Variants in POLDIP3 observed in about 807,000 individuals in gnomAD.
The protein encoded by POLDIP3 is DNA polymerase delta interacting protein 3.
A neutral mutation model predicts 45.1 loss-of-function variants in POLDIP3; 14 were observed. The observed-to-expected ratio is 0.31, with a 90% CI of 0.20 to 0.49. The LOEUF (loss-of-function observed/expected upper bound fraction) is 0.49, where lower values mean the gene tolerates loss of function less well. Ranked by LOEUF, POLDIP3 falls within the 20% of genes least tolerant of loss-of-function variation. The pLI is 0.99. For missense variants in POLDIP3, 511 were observed against 538.8 expected (o/e 0.95, Z 0.51); for synonymous variants, 223 against 205.2 (o/e 1.09, Z -0.74).
intron 6 of POLDIP3, among the ~76,000 whole-genome samples, chr22:42,594,196 A>T (rs1569297656): frequency 6.6e-6 from 1 of 150,770 alleles, no homozygotes; most frequent in Non-Finnish European, 1.5e-5. Flanking sequence ...AGGAGGCGGA[A>T]GTTGCAGTGA....
In POLDIP3 at chr22:42,585,535, A is replaced by G. The variant is rs1447859478; in HGVS notation, c.*256T>C. On this transcript the variant is annotated 3_prime_UTR_variant, in exon 9 of 9. Coordinates refer to ENST00000252115, the MANE Select transcript of POLDIP3 (RefSeq NM_032311.5). Reference sequence around the variant, plus strand: ...TTGGGGCTGAGGCTCGGGGAGGCACACACTGAAAAACACAAGCCTACCTTG... The same window carrying G: ...TTGGGGCTGAGGCTCGGGGAGGCACGCACTGAAAAACACAAGCCTACCTTG... 1.0e-5 allele frequency: 5 copies of G among 484,470 alleles called. No homozygotes were observed. Among genetic ancestry groups the G allele is most frequent in the African/African-American group, 3.9e-5 (2 of 51,026 alleles). 30.0% of individuals were successfully genotyped at this position (484,470 alleles called of 1,614,324 possible). A position where few individuals can be genotyped will look rare whatever the true frequency, so the allele number is the denominator to read the frequency against.
chr22:42,610,115 G>A (rs768696079), intron 1 of POLDIP3, among the ~76,000 whole-genome samples: 11 of 151,518 alleles, frequency 7.3e-5, no homozygotes, highest in Admixed American at 1.3e-4. Flanking sequence ...TGGAGGTTTC[G>A]GTGAGCTGAG....
At chr22:42,603,913 C>T (rs141296461) in intron 1 of POLDIP3, among the ~76,000 whole-genome samples, 99 of 152,288 alleles carry the variant, frequency 6.5e-4, no homozygotes, top group African/African-American at 1.9e-3. Flanking sequence ...CAAACATGTA[C>T]ATGTACCCCC....
intron 7 of POLDIP3, among the ~76,000 whole-genome samples, chr22:42,588,653 A>C (rs1925473334): frequency 7.3e-6 from 1 of 136,758 alleles, no homozygotes; most frequent in African/African-American, 2.8e-5. Flanking sequence ...TTTGAGATGG[A>C]GTTTCGCTCT....
intron 1 of POLDIP3, among the ~76,000 whole-genome samples, chr22:42,613,058 C>A (rs1314825809): frequency 6.6e-6 from 1 of 152,142 alleles, no homozygotes; most frequent in African/African-American, 2.4e-5. Flanking sequence ...TCTGCACACA[C>A]TAAAACCAAA....
intron 6 of POLDIP3, among the ~76,000 whole-genome samples, chr22:42,594,730 G>A (rs981031044): frequency 1.3e-5 from 2 of 152,158 alleles, no homozygotes; most frequent in East Asian, 1.9e-4. Context: ...CCAGAACCCC[G>A]CTCACAGACA....
chr22:42,597,212 G>T (rs1166687334), intron 4 of POLDIP3, among the ~76,000 whole-genome samples: 4 of 152,192 alleles, frequency 2.6e-5, no homozygotes, highest in African/African-American at 9.7e-5. Context: ...ATGTGTCTGA[G>T]GAAAAAGGTG....
chr22:42,612,391 G>C (rs1469993463), intron 1 of POLDIP3, among the ~76,000 whole-genome samples: 1 of 152,236 alleles, frequency 6.6e-6, no homozygotes, highest in African/African-American at 2.4e-5. Context: ...GGGAGAAGCA[G>C]GGATTGGAAG....
intron 3 of POLDIP3, among the ~76,000 whole-genome samples, chr22:42,601,074 G>C (rs575321212): frequency 5.3e-5 from 8 of 151,962 alleles, no homozygotes; most frequent in African/African-American, 1.9e-4. Flanking sequence ...CAGCCTGGGG[G>C]ACAGAGTGAA....
chr22:42,602,219 C>T (rs1309490916), intron 2 of POLDIP3, 163 bp from the exon 3 acceptor site: 1 of 1,153,936 alleles, frequency 8.7e-7, no homozygotes, highest in Non-Finnish European at 1.2e-6. Flanking sequence ...ACAGAAGAAT[C>T]ATCAATCCAG....
intron 5 of POLDIP3, among the ~76,000 whole-genome samples, chr22:42,595,883 T>A (rs1380018106): frequency 6.6e-6 from 1 of 152,224 alleles, no homozygotes; most frequent in African/African-American, 2.4e-5. Context: ...CCCACTCAGC[T>A]AAAAGAGCCC....
At chr22:42,591,128 G>A (rs1925644937) in intron 7 of POLDIP3, among the ~76,000 whole-genome samples, 1 of 150,442 alleles carries the variant, frequency 6.6e-6, no homozygotes, top group Admixed American at 6.6e-5. Flanking sequence ...AAAGAAAAAG[G>A]AAAATAAGTA....
chr22:42,592,125 T>G (rs1188048904), intron 6 of POLDIP3, 41 bp from the exon 7 acceptor site: 20 of 1,612,052 alleles, frequency 1.2e-5, no homozygotes, highest in Non-Finnish European at 1.7e-5. Context: ...GAAGGATTTC[T>G]CAGCACCTGC....
intron 1 of POLDIP3, among the ~76,000 whole-genome samples, chr22:42,608,083 G>A (rs542744019): frequency 8.1e-4 from 124 of 152,366 alleles, no homozygotes; most frequent in African/African-American, 2.8e-3. Flanking sequence ...ATTGAGAACG[G>A]GCCATGAAGA....
At chr22:42,602,428 G>A (rs755011845) in intron 2 of POLDIP3, among the ~76,000 whole-genome samples, 3 of 152,222 alleles carry the variant, frequency 2.0e-5, no homozygotes, top group Non-Finnish European at 4.4e-5. Context: ...GGGGTGGAGT[G>A]AGGACTGTAA....
Position 42,606,952 on chromosome 22 carries a change from G to A in POLDIP3, c.60-3792C>T, listed in dbSNP as rs1601905685. On this transcript the variant is annotated intron_variant, in intron 1 of 8. Coordinates refer to ENST00000252115, the MANE Select transcript of POLDIP3 (RefSeq NM_032311.5). Reference sequence around the variant, plus strand: ...AAGAGTAAACAGCAGAGCTGGAAGAGTTAAGAAAAAAACTTCTAAAAAATA... The same window carrying A: ...AAGAGTAAACAGCAGAGCTGGAAGAATTAAGAAAAAAACTTCTAAAAAATA... Among the ~76,000 whole-genome samples, 5 of 152,304 alleles carry A rather than the reference G, an allele frequency of 3.3e-5. No individual in the cohort carries two copies. The South Asian group carries it at 1.0e-3, about 32-fold the overall frequency.
chr22:42,605,998 C>T (rs930171543), intron 1 of POLDIP3, among the ~76,000 whole-genome samples: 1 of 152,062 alleles, frequency 6.6e-6, no homozygotes, highest in Non-Finnish European at 1.5e-5. Context: ...AAAAATTAGC[C>T]AGACGTGGTG....
At chr22:42,587,456 A>G in intron 8 of POLDIP3, 50 bp downstream of exon 8, 1 of 1,543,846 alleles carries the variant, frequency 6.5e-7, no homozygotes, top group Non-Finnish European at 8.9e-7. Flanking sequence ...TTAGAACAAA[A>G]AGAGATGGAC....
intron 4 of POLDIP3, among the ~76,000 whole-genome samples, chr22:42,596,841 A>G (rs1277987617): frequency 1.3e-5 from 2 of 152,198 alleles, no homozygotes; most frequent in African/African-American, 4.8e-5. Flanking sequence ...CAACACAGTG[A>G]GACCTCATCT....
Sources: gnomAD v4.1 joint callset for allele counts (sites outside exome capture counted in the v4.1 genomes callset) on GRCh38, gnomAD v4.1.1 for gene constraint, MANE v1.5 for transcripts, NCBI Gene and HGNC (gene_info 2026-07-23, HGNC 2026-07-21) for gene names.